FOXP2: variants seen among roughly 807,000 people sequenced by gnomAD.
The protein encoded by FOXP2 is forkhead box protein P2.
In FOXP2, 12 loss-of-function variants were observed where a neutral mutation model predicts 115.8. The ratio of observed to expected loss-of-function variants is 0.10; its 90% CI spans 0.07 to 0.17. FOXP2 has a LOEUF of 0.17. Among genes scored for constraint, FOXP2 ranks in the 10% least tolerant of loss-of-function variants. The pLI, the probability that FOXP2 is intolerant of heterozygous loss-of-function variation, is 1.00. For synonymous variants in FOXP2, 328 were observed against 297.7 expected (o/e 1.10, Z -1.05); for missense variants, 629 against 843.5 (o/e 0.75, Z 3.15).
intron 2 of FOXP2, among the ~76,000 whole-genome samples, chr7:114,467,757 C>T (rs896857430): frequency 3.3e-5 from 5 of 152,094 alleles, no homozygotes; most frequent in Middle Eastern, 3.2e-3. Context: ...ATAGAAGATA[C>T]TTTCTTATTA....
chr7:114,515,292 C>T (rs1345035329), intron 2 of FOXP2, among the ~76,000 whole-genome samples: 2 of 151,238 alleles, frequency 1.3e-5, no homozygotes, highest in South Asian at 2.1e-4. Flanking sequence ...GGAATCGCCA[C>T]ACTGACTTCC....
intron 1 of FOXP2, among the ~76,000 whole-genome samples, chr7:114,145,113 T>C (rs1792329641): frequency 6.6e-6 from 1 of 152,152 alleles, no homozygotes; most frequent in Non-Finnish European, 1.5e-5. Context: ...CTACCACCTA[T>C]TCTCCATGAC....
At chr7:114,515,643 G>A (rs1289603574) in intron 2 of FOXP2, among the ~76,000 whole-genome samples, 4 of 151,694 alleles carry the variant, frequency 2.6e-5, no homozygotes, top group South Asian at 2.1e-4. Context: ...AGTAGGTTGC[G>A]AAAATTTTCT....
At chr7:114,662,495 T>TA (rs1806925292) in intron 14 of FOXP2, among the ~76,000 whole-genome samples, 1 of 152,108 alleles carries the variant, frequency 6.6e-6, no homozygotes, top group Non-Finnish European at 1.5e-5. Context: ...TTCCTGTTTT[T>TA]ATACAATACA....
intron 2 of FOXP2, among the ~76,000 whole-genome samples, chr7:114,441,029 C>T (rs1794576449): frequency 6.6e-6 from 1 of 152,188 alleles, no homozygotes; most frequent in Admixed American, 6.5e-5. Context: ...GGGCAGATTA[C>T]TGCCTAAAAA....
intron 2 of FOXP2, among the ~76,000 whole-genome samples, chr7:114,472,500 C>A (rs1796094408): frequency 6.6e-6 from 1 of 152,018 alleles, no homozygotes; most frequent in Non-Finnish European, 1.5e-5. Context: ...CCTGTACCAC[C>A]ACACTTGGCT....
At chr7:114,630,261 G>A (rs1295036752) in intron 5 of FOXP2, among the ~76,000 whole-genome samples, 1 of 152,130 alleles carries the variant, frequency 6.6e-6, no homozygotes, top group Non-Finnish European at 1.5e-5. Flanking sequence ...AGCAAGCTGT[G>A]TGGTGGACAA....
intron 2 of FOXP2, among the ~76,000 whole-genome samples, chr7:114,519,140 A>G (rs142150194): frequency 3.2e-4 from 49 of 152,298 alleles, no homozygotes; most frequent in African/African-American, 1.2e-3. Flanking sequence ...TAAACATGGC[A>G]TAGCTAAGAT....
At chr7:114,473,857 C>T (rs1217589208) in intron 2 of FOXP2, among the ~76,000 whole-genome samples, 1 of 151,850 alleles carries the variant, frequency 6.6e-6, no homozygotes, top group African/African-American at 2.4e-5. Flanking sequence ...CAATTCATAC[C>T]TAATAGTATT....
intron 3 of FOXP2, among the ~76,000 whole-genome samples, chr7:114,561,935 A>G (rs1800778417): frequency 6.6e-6 from 1 of 152,092 alleles, no homozygotes; most frequent in South Asian, 2.1e-4. Context: ...GATTACAGAC[A>G]TGGGCCACCA....
chr7:114,438,634 AT>A (rs545220470), intron 2 of FOXP2, among the ~76,000 whole-genome samples: 4 of 152,272 alleles, frequency 2.6e-5, no homozygotes, highest in African/African-American at 9.6e-5. Context: ...AATTTTTCCC[AT>A]TCATAATTTA....
rs748878832 is a variant in FOXP2, at chr7:114,652,283, A to G, written c.1175A>G (p.Glu392Gly). 7 of 1,612,678 alleles carry G rather than the reference A, an allele frequency of 4.3e-6. No individual in the cohort carries two copies. The highest frequency in any genetic ancestry group is 4.2e-6 in the Non-Finnish European group (5 of 1,179,208). ...CAAATGCAGGTGGTGCAACAGTTAG[A>G]AATACAGGTTTGTTAAATGCTCACT... ...RVQMQVVQQL[E>G]IQLSKERERL... Residue 392 changes from glutamate to glycine, a missense_variant, in exon 9 of 17, where the codon GAA becomes GGA. Around this residue, in one of 9 missense-constraint regions of FOXP2, gnomAD observed 24 missense variants for 76.3 expected, o/e 0.31. Transcript: ENST00000350908.
chr7:114,677,688 T>C (rs968561456), intron 16 of FOXP2, among the ~76,000 whole-genome samples: 1 of 152,220 alleles, frequency 6.6e-6, no homozygotes, highest in African/African-American at 2.4e-5. Flanking sequence ...CACATATCTT[T>C]AGGCAACAAA....
chr7:114,526,195 A>AAAAAAC (rs1554410537), intron 2 of FOXP2, among the ~76,000 whole-genome samples: 2 of 147,118 alleles, frequency 1.4e-5, no homozygotes, highest in African/African-American at 5.0e-5. Flanking sequence ...AAAAAAAAAA[A>AAAAAAC]GGGCCGGACG....
At chr7:114,274,125 G>A (rs543659193) in intron 1 of FOXP2, among the ~76,000 whole-genome samples, 1 of 150,720 alleles carries the variant, frequency 6.6e-6, no homozygotes, top group African/African-American at 2.4e-5. Flanking sequence ...TTGCAATATA[G>A]ACTTACAACT....
At chr7:114,224,350 A>G (rs1412901271) in intron 1 of FOXP2, among the ~76,000 whole-genome samples, 2 of 152,160 alleles carry the variant, frequency 1.3e-5, no homozygotes, top group Non-Finnish European at 2.9e-5. Flanking sequence ...ATAAATCAGT[A>G]TGGGGAGAAT....
intron 2 of FOXP2, among the ~76,000 whole-genome samples, chr7:114,494,819 A>G (rs995163653): frequency 1.4e-4 from 21 of 152,198 alleles, no homozygotes; most frequent in Non-Finnish European, 5.9e-5. Context: ...ACATGTTGCT[A>G]TATTTCTATA....
chr7:114,691,150 G>A lies in FOXP2; in HGVS notation c.*1224G>A. On this transcript the variant is annotated 3_prime_UTR_variant, in exon 17 of 17. Transcript: ENST00000350908. The stretch of plus-strand genomic sequence containing the variant: ...TATTGTTATATATATAGTACTTTGT[G>A]TTTTTGTTTTCCCTCATTCAGTCAG... 2.2e-6 allele frequency: 1 copy of A among 453,990 alleles called. No individual in the cohort carries two copies. 28.1% of individuals were successfully genotyped at this position (453,990 alleles called of 1,614,324 possible).
chr7:114,184,546 A>G (rs1277143344), intron 1 of FOXP2, among the ~76,000 whole-genome samples: 3 of 152,166 alleles, frequency 2.0e-5, no homozygotes, highest in African/African-American at 4.8e-5. Context: ...AGCTGTTGCT[A>G]TAGAACTGGA....
Sources: gnomAD v4.1 joint callset for allele counts (sites outside exome capture counted in the v4.1 genomes callset) on GRCh38, gnomAD v4.1.1 for gene constraint, gnomAD v4.1.1 regional missense constraint, MANE v1.5 for transcripts, NCBI Gene and HGNC (gene_info 2026-07-23, HGNC 2026-07-21) for gene names.